The following SLC28A1 variants were observed in gnomAD, a reference collection of about 807,000 sequenced individuals.
SLC28A1 encodes solute carrier family 28 member 1.
A neutral mutation model predicts 74.8 loss-of-function variants in SLC28A1; 64 were observed. That is an observed-to-expected ratio of 0.86 (90% confidence interval 0.70 to 1.05). The LOEUF is 1.05. Ranked by LOEUF, SLC28A1 falls within the 50% of genes least tolerant of loss-of-function variation. The pLI is 0.00. For synonymous variants in SLC28A1, 359 were observed against 335.0 expected (o/e 1.07, Z -0.78); for missense variants, 828 against 822.8 (o/e 1.01, Z -0.08).
the SLC28A1 span, among the ~76,000 whole-genome samples, chr15:84,952,429 T>C: frequency 6.6e-6 from 1 of 152,160 alleles, no homozygotes; most frequent in Admixed American, 6.6e-5. Context: ...TACACGTCAG[T>C]AAATTCCTTG....
chr15:84,897,913 C>T (rs1966178866), intron 6 of SLC28A1, among the ~76,000 whole-genome samples: 1 of 152,208 alleles, frequency 6.6e-6, no homozygotes, highest in African/African-American at 2.4e-5. Context: ...GCTTATTTCA[C>T]TTAACATAAT....
intron 10 of SLC28A1, among the ~76,000 whole-genome samples, chr15:84,920,705 T>G (rs56238530): frequency 0.28 from 42,396 of 148,982 alleles, 6,699 homozygotes; most frequent in Middle Eastern, 0.44. Context: ...CTCCAAGGGG[T>G]GTGTGTGTGT....
the SLC28A1 span, among the ~76,000 whole-genome samples, chr15:84,954,906 G>A: frequency 1.3e-5 from 2 of 152,106 alleles, no homozygotes; most frequent in Non-Finnish European, 2.9e-5. Flanking sequence ...TGAGAAAGAC[G>A]GCATGGTAGG....
the SLC28A1 span, among the ~76,000 whole-genome samples, chr15:84,968,376 GC>G: frequency 2.6e-5 from 4 of 152,182 alleles, no homozygotes; most frequent in African/African-American, 9.7e-5. Flanking sequence ...CCTGACTGGG[GC>G]TGGAAGATCT....
At chr15:84,889,714 TTCCTTCCTTCC>T (rs1965098102) in intron 4 of SLC28A1, among the ~76,000 whole-genome samples, 1 of 33,908 alleles carries the variant, frequency 2.9e-5, no homozygotes, top group Non-Finnish European at 7.9e-5. Flanking sequence ...CCTTCTTTCC[TTCCTTCCTTCC>T]TTCCTTCCTT....
At chr15:84,906,032 T>TC (rs1967056100) in intron 8 of SLC28A1, among the ~76,000 whole-genome samples, 1 of 151,022 alleles carries the variant, frequency 6.6e-6, no homozygotes, top group African/African-American at 2.4e-5. Flanking sequence ...TTTTTTTTTT[T>TC]CTTTCAAGAA....
intron 5 of SLC28A1, among the ~76,000 whole-genome samples, chr15:84,893,348 T>A (rs1320973046): frequency 6.6e-6 from 1 of 152,200 alleles, no homozygotes; most frequent in South Asian, 2.1e-4. Context: ...CCATGGCCGG[T>A]GCCAGCAGCC....
intron 12 of SLC28A1, among the ~76,000 whole-genome samples, chr15:84,931,547 G>T (rs1004087023): frequency 6.7e-6 from 1 of 150,238 alleles, no homozygotes; most frequent in Non-Finnish European, 1.5e-5. Flanking sequence ...AGCTACTTGG[G>T]AGGCTGAGGC....
At chr15:84,891,061 G>C (rs372745402) in intron 5 of SLC28A1, among the ~76,000 whole-genome samples, 2 of 152,192 alleles carry the variant, frequency 1.3e-5, no homozygotes, top group African/African-American at 4.8e-5. Context: ...AGGATGGGGA[G>C]TGGGTAGGGA....
chr15:84,890,329 C>A, intron 4 of SLC28A1, 114 bp from the exon 5 acceptor site: 1 of 775,020 alleles, frequency 1.3e-6, no homozygotes, highest in Non-Finnish European at 2.2e-6. Flanking sequence ...AAGGCAAGCC[C>A]TGGCTTGCCC....
At chr15:84,943,416 C>T (rs749605544) in intron 15 of SLC28A1, 29 bp from the exon 16 acceptor site, 14 of 1,555,128 alleles carry the variant, frequency 9.0e-6, no homozygotes, top group Non-Finnish European at 1.2e-5. Flanking sequence ...TGAGGGGAGC[C>T]CCTCCTCATG....
intron 8 of SLC28A1, 48 bp from the exon 9 acceptor site, chr15:84,908,670 T>C: frequency 2.0e-6 from 3 of 1,528,368 alleles, no homozygotes; most frequent in Non-Finnish European, 2.7e-6. Flanking sequence ...CCCTCCTCCC[T>C]TCCCAGCCTC....
At chr15:84,905,463 C>T in intron 7 of SLC28A1, 76 bp from the exon 8 acceptor site, 1 of 1,025,850 alleles carries the variant, frequency 9.7e-7, no homozygotes, top group South Asian at 1.3e-5. Context: ...GCAATGCCCC[C>T]TGCTCTCACC....
intron 10 of SLC28A1, among the ~76,000 whole-genome samples, chr15:84,919,797 T>G (rs1314308979): frequency 6.6e-6 from 1 of 152,202 alleles, no homozygotes; most frequent in East Asian, 1.9e-4. Flanking sequence ...ATATATATTT[T>G]TATTTGGCAA....
At chr15:84,916,705 C>G (rs1039803853) in intron 9 of SLC28A1, among the ~76,000 whole-genome samples, 1 of 152,178 alleles carries the variant, frequency 6.6e-6, no homozygotes, top group Non-Finnish European at 1.5e-5. Flanking sequence ...TATGCTCCTT[C>G]CCTTGAGAAA....
chr15:84,949,628 C>G (rs1304683047), downstream of SLC28A1, among the ~76,000 whole-genome samples: 1 of 137,462 alleles, frequency 7.3e-6, no homozygotes, highest in Non-Finnish European at 1.5e-5. Flanking sequence ...CCAGGCTGGT[C>G]GTGAACTCCT....
intron 18 of SLC28A1, 56 bp from the exon 19 acceptor site, chr15:84,945,069 G>T (rs375696240): frequency 2.7e-5 from 40 of 1,475,964 alleles, no homozygotes; most frequent in Non-Finnish European, 3.7e-5. Flanking sequence ...ACAGCCTGGT[G>T]GTGGCCCGCA....
At chr15:84,953,130 T>C in the SLC28A1 span, among the ~76,000 whole-genome samples, 1 of 152,222 alleles carries the variant, frequency 6.6e-6, no homozygotes, top group Non-Finnish European at 1.5e-5. Context: ...ATATTTCTAA[T>C]CTCTAATCCT....
At chr15:84,959,099 CAAAAAAAAAAA>C in the SLC28A1 span, among the ~76,000 whole-genome samples, 1 of 47,078 alleles carries the variant, frequency 2.1e-5, no homozygotes, top group African/African-American at 8.7e-5. Context: ...GGCTTCATCT[CAAAAAAAAAAA>C]AAAAAAAAAA....
Sources: allele counts gnomAD v4.1 joint callset (sites outside exome capture counted in the v4.1 genomes callset), GRCh38; gene constraint gnomAD v4.1.1; transcripts MANE v1.5; gene names NCBI Gene and HGNC (gene_info 2026-07-23, HGNC 2026-07-21).